METAP1D: variants seen among roughly 807,000 people sequenced by gnomAD.
The protein encoded by METAP1D is methionyl aminopeptidase type 1D, mitochondrial.
Under a neutral mutation model 40.5 loss-of-function variants are expected in METAP1D, and 31 were observed. The observed-to-expected ratio is 0.77, with a 90% CI of 0.58 to 1.03. The LOEUF (loss-of-function observed/expected upper bound fraction) is 1.03, where lower values mean the gene tolerates loss of function less well. Among genes scored for constraint, METAP1D ranks in the 50% least tolerant of loss-of-function variants. The pLI, the probability that METAP1D is intolerant of heterozygous loss-of-function variation, is 0.00. For missense variants in METAP1D, 411 were observed against 420.7 expected, an observed-to-expected ratio of 0.98 and a Z score of 0.20; for synonymous variants, 151 against 146.4, an observed-to-expected ratio of 1.03 and a Z score of -0.22.
chr2:172,037,548 G>A (rs1295794313), intron 1 of METAP1D, among the ~76,000 whole-genome samples: 2 of 152,160 alleles, frequency 1.3e-5, no homozygotes, highest in African/African-American at 2.4e-5. Flanking sequence ...CTTAAGACAT[G>A]TAAACTCATT....
chr2:172,045,571 G>T (rs1219241616), intron 1 of METAP1D, among the ~76,000 whole-genome samples: 2 of 147,446 alleles, frequency 1.4e-5, no homozygotes, highest in Non-Finnish European at 3.0e-5. Flanking sequence ...TGAGGCAGGA[G>T]AATCACTTGA....
chr2:172,012,923 A>G (rs1015754565), intron 1 of METAP1D, among the ~76,000 whole-genome samples: 1 of 152,150 alleles, frequency 6.6e-6, no homozygotes, highest in African/African-American at 2.4e-5. Flanking sequence ...TACATAAAAG[A>G]ACATTAAGTC....
At position 172,077,793 on chromosome 2, in the gene METAP1D, A is replaced by G; in HGVS notation, c.705-4A>G. 2 of 1,550,988 alleles carry G rather than the reference A, an allele frequency of 1.3e-6. No homozygotes were observed. The highest frequency in any genetic ancestry group is 1.8e-6 in the Non-Finnish European group (2 of 1,136,136). ...AATTAAATATTTTTTGGTCACTTTT[A>G]AAGCCACATAACTCATCAGAATGGT... On this transcript the variant is annotated splice_polypyrimidine_tract_variant and splice_region_variant and intron_variant, in intron 6 of 9. Transcript: ENST00000315796.
At chr2:172,058,485 T>A (rs1426441592) in intron 1 of METAP1D, among the ~76,000 whole-genome samples, 1 of 152,138 alleles carries the variant, frequency 6.6e-6, no homozygotes, top group Non-Finnish European at 1.5e-5. Flanking sequence ...GGTGATATTG[T>A]CATTAGGGAA....
At chr2:172,057,271 T>A (rs1163064222) in intron 1 of METAP1D, among the ~76,000 whole-genome samples, 1 of 152,206 alleles carries the variant, frequency 6.6e-6, no homozygotes, top group East Asian at 1.9e-4. Context: ...GTCCATTAAA[T>A]TTTAACCACT....
intron 1 of METAP1D, among the ~76,000 whole-genome samples, chr2:172,028,324 C>G (rs570559061): frequency 3.2e-4 from 49 of 152,234 alleles, no homozygotes; most frequent in South Asian, 1.5e-3. Flanking sequence ...AAAGGGGGCC[C>G]CTGTGGCTGG....
At position 172,031,380 on chromosome 2, in the gene METAP1D, G is replaced by C. The variant is rs139677007; in HGVS notation, c.41-30118G>C. Among the ~76,000 whole-genome samples the C allele has an allele frequency of 1.6e-4, 24 of 152,218 alleles. No homozygotes were observed. In the East Asian group the frequency reaches 4.6e-3, roughly 29 times the overall value. ...AGAGAAGGGAGACACTCCCCTACCAGGGGCTCCAAAAGAGGGCTTTAGGTT... is the reference window on the plus strand; with the variant it reads ...AGAGAAGGGAGACACTCCCCTACCACGGGCTCCAAAAGAGGGCTTTAGGTT... On this transcript the variant is annotated intron_variant, in intron 1 of 9. Transcript: ENST00000315796.
intron 1 of METAP1D, among the ~76,000 whole-genome samples, chr2:172,047,773 G>T (rs1460810585): frequency 1.3e-5 from 2 of 152,152 alleles, no homozygotes; most frequent in African/African-American, 2.4e-5. Context: ...AAAATTGTTT[G>T]TGATAGTACA....
intron 1 of METAP1D, among the ~76,000 whole-genome samples, chr2:172,059,311 ACAGGCGTGAC>A (rs1690077520): frequency 6.6e-6 from 1 of 151,674 alleles, no homozygotes; most frequent in South Asian, 2.1e-4. Context: ...GTGTGGGATT[ACAGGCGTGAC>A]CCACCGCACT....
chr2:172,020,132 G>A (rs1004217199), intron 1 of METAP1D, among the ~76,000 whole-genome samples: 2 of 152,120 alleles, frequency 1.3e-5, no homozygotes, highest in African/African-American at 2.4e-5. Context: ...GACTACAGGC[G>A]CACGCCATCA....
At chr2:172,053,223 G>A (rs1471572619) in intron 1 of METAP1D, among the ~76,000 whole-genome samples, 3 of 152,208 alleles carry the variant, frequency 2.0e-5, no homozygotes, top group Non-Finnish European at 2.9e-5. Flanking sequence ...AGCACACAGC[G>A]CTGTAAGAGC....
chr2:172,073,470 A>G (rs1355769828), intron 6 of METAP1D, among the ~76,000 whole-genome samples: 1 of 152,198 alleles, frequency 6.6e-6, no homozygotes, highest in African/African-American at 2.4e-5. Flanking sequence ...GTTTTCACAG[A>G]GTATGAATTT....
chr2:172,032,965 A>T (rs1689273228), intron 1 of METAP1D, among the ~76,000 whole-genome samples: 2 of 152,152 alleles, frequency 1.3e-5, no homozygotes, highest in African/African-American at 4.8e-5. Flanking sequence ...AGGCTGAGGC[A>T]GGAGAATGGC....
At chr2:172,007,591 T>G (rs1432555650) in intron 1 of METAP1D, among the ~76,000 whole-genome samples, 2 of 152,216 alleles carry the variant, frequency 1.3e-5, no homozygotes, top group African/African-American at 4.8e-5. Context: ...CTGCATTGCC[T>G]AATATCCAGT....
rs867817064 is a variant in METAP1D, at chr2:172,034,825, A to C, written c.41-26673A>C. Among the ~76,000 whole-genome samples the C allele has an allele frequency of 6.9e-4, 105 of 152,174 alleles. 1 individual carries two copies. Among genetic ancestry groups the C allele is most frequent in the African/African-American group, 2.4e-3 (99 of 41,450 alleles). On this transcript the variant is annotated intron_variant, in intron 1 of 9. Transcript: ENST00000315796. ...TAGTAAATTAAATGTCGTGTAGACA[A>C]CTGTGCTATTAATGTTTTCCCTGTA...
At chr2:172,005,749 G>A (rs1247045176) in intron 1 of METAP1D, among the ~76,000 whole-genome samples, 11 of 151,382 alleles carry the variant, frequency 7.3e-5, no homozygotes, top group Admixed American at 4.6e-4. Context: ...ATGTTGGCCA[G>A]GCTGATCTCA....
intron 5 of METAP1D, among the ~76,000 whole-genome samples, chr2:172,068,830 ATTCCTTCCTTCCTTCCTTCC>A (rs557758754): frequency 6.6e-6 from 1 of 150,824 alleles, no homozygotes; most frequent in Non-Finnish European, 1.5e-5. Context: ...TCATTTTGAT[ATTCCTTCCTTCCTTCCTTCC>A]TTCCTTCGTT....
intron 1 of METAP1D, among the ~76,000 whole-genome samples, chr2:172,010,572 C>G (rs1369860181): frequency 7.2e-6 from 1 of 139,130 alleles, no homozygotes; most frequent in Non-Finnish European, 1.5e-5. Context: ...CAGCTCACTA[C>G]AACCTGTGCC....
Position 172,077,891 on chromosome 2 carries a change from C to T in METAP1D, c.799C>T (p.His267Tyr). The change falls in exon 7 of 10, where the codon CAT becomes TAT. Residue 267 changes from histidine to tyrosine, a missense_variant. By Grantham distance (83) the His-to-Tyr change is moderately conservative. Transcript: ENST00000315796. ...YFHGHPEIWHHANDSDLPMEE... is the reference protein window; with the variant it reads ...YFHGHPEIWHYANDSDLPMEE... ...TCATGGACATCCAGAAATTTGGCAT[C>T]ATGGTAAGAAAGTTCATTTGGAGGC... 1 of 1,586,996 alleles carries T rather than the reference C, an allele frequency of 6.3e-7. No individual in the cohort carries two copies. Among genetic ancestry groups the T allele is most frequent in the Non-Finnish European group, 8.6e-7 (1 of 1,156,878 alleles).
Sources: gnomAD v4.1 joint callset for allele counts (sites outside exome capture counted in the v4.1 genomes callset) on GRCh38, gnomAD v4.1.1 for gene constraint, MANE v1.5 for transcripts, NCBI Gene and HGNC (gene_info 2026-07-23, HGNC 2026-07-21) for gene names.